The following RXFP2 variants were observed in gnomAD, a reference collection of about 807,000 sequenced individuals.
RXFP2 encodes relaxin receptor 2.
RXFP2 carries 68 observed loss-of-function variants against 88.6 expected under a neutral mutation model. The ratio of observed to expected loss-of-function variants is 0.77; its 90% confidence interval spans 0.63 to 0.94. The LOEUF (loss-of-function observed/expected upper bound fraction) is 0.94. Among genes scored for constraint, RXFP2 ranks in the 40% least tolerant of loss-of-function variants. RXFP2 has a pLI of 0.00. For missense variants in RXFP2, 791 were observed against 893.9 expected (o/e 0.88, Z 1.47); for synonymous variants, 329 against 306.8 (o/e 1.07, Z -0.76).
chr13:31,782,740 G>C lies in RXFP2; in HGVS notation c.922G>C (p.Gly308Arg). The change falls in exon 11 of 18, where the codon GGA (glycine) becomes CGA (arginine). Residue 308 changes from glycine (G) to arginine (R), a missense_variant. By Grantham distance (125) the Gly-to-Arg change is moderately radical. Transcript: ENST00000298386. ...GACATTTTCTTCATTAAAAAATTTAGGAGAACTGTAAGTAGCATCGTCTAC... is the reference window on the plus strand; with the variant it reads ...GACATTTTCTTCATTAAAAAATTTACGAGAACTGTAAGTAGCATCGTCTAC... Reference protein sequence around the residue: ...EKTFSSLKNLGELDLSSNTIT... With the variant: ...EKTFSSLKNLRELDLSSNTIT... 1 of 1,585,414 alleles carries C rather than the reference G, an allele frequency of 6.3e-7. No homozygotes were observed. Among genetic ancestry groups the C allele is most frequent in the Non-Finnish European group, 8.7e-7 (1 of 1,154,034 alleles).
chr13:31,802,024 A>G, intron 17 of RXFP2, 122 bp from the exon 18 acceptor site: 1 of 947,916 alleles, frequency 1.1e-6, no homozygotes, highest in African/African-American at 1.6e-5. Flanking sequence ...CCTTCAGGTG[A>G]GAGAAAACTT....
At chr13:31,770,801 A>T in intron 5 of RXFP2, among the ~76,000 whole-genome samples, 1 of 152,132 alleles carries the variant, frequency 6.6e-6, no homozygotes, top group East Asian at 1.9e-4. Flanking sequence ...TACCCTCCTC[A>T]TGGGCTGGAC....
At chr13:31,783,428 T>G (rs1873379491) in intron 11 of RXFP2, among the ~76,000 whole-genome samples, 1 of 152,230 alleles carries the variant, frequency 6.6e-6, no homozygotes, top group Non-Finnish European at 1.5e-5. Flanking sequence ...TCTTTCTGAT[T>G]GAGGCCTTAA....
Position 31,784,870 on chromosome 13 carries a change from C to A in RXFP2, c.930-1513C>A, listed in dbSNP as rs188977834. Among the ~76,000 whole-genome samples, 6 of 152,284 alleles carry A rather than the reference C, an allele frequency of 3.9e-5. No individual in the cohort carries two copies. In the East Asian group the frequency reaches 1.2e-3, roughly 29 times the overall value. On this transcript the variant is annotated intron_variant, in intron 11 of 17. Coordinates refer to ENST00000298386, the MANE Select transcript of RXFP2 (RefSeq NM_130806.5). ...AGACCCTGAGCCCTGCTGCTGTCCC[C>A]CTTAACCCTCATTTGCTCTCACCTG...
At chr13:31,801,101 G>A (rs1394841272) in intron 17 of RXFP2, among the ~76,000 whole-genome samples, 2 of 151,938 alleles carry the variant, frequency 1.3e-5, no homozygotes, top group African/African-American at 4.8e-5. Context: ...AAATAAGGCA[G>A]GGTCAAGAGA....
intron 13 of RXFP2, among the ~76,000 whole-genome samples, chr13:31,788,293 T>C (rs1271401802): frequency 1.3e-5 from 2 of 152,186 alleles, no homozygotes; most frequent in Admixed American, 6.5e-5. Context: ...CTCAGAACCA[T>C]GTTGAGAAAT....
At chr13:31,777,608 T>A (rs1035519848) in intron 8 of RXFP2, among the ~76,000 whole-genome samples, 161 bp downstream of exon 8, 1 of 152,206 alleles carries the variant, frequency 6.6e-6, no homozygotes, top group African/African-American at 2.4e-5. Context: ...ATATAATACT[T>A]CCTGGCCATG....
chr13:31,802,092 T>G, intron 17 of RXFP2, 54 bp from the exon 18 acceptor site: 2 of 1,562,708 alleles, frequency 1.3e-6, no homozygotes, highest in African/African-American at 2.7e-5. Flanking sequence ...TTATTTGTAT[T>G]TTATGTCTAT....
chr13:31,752,118 G>A (rs1871697848), intron 1 of RXFP2, among the ~76,000 whole-genome samples: 1 of 152,170 alleles, frequency 6.6e-6, no homozygotes. Context: ...TCCATCCCTG[G>A]TAAGGATGAG....
intron 16 of RXFP2, among the ~76,000 whole-genome samples, chr13:31,794,150 T>C (rs1312822567): frequency 6.6e-6 from 1 of 152,160 alleles, no homozygotes; most frequent in Non-Finnish European, 1.5e-5. Context: ...TTCTTCTCCA[T>C]TACTCCTTCT....
intron 3 of RXFP2, among the ~76,000 whole-genome samples, chr13:31,763,475 C>T (rs1872398073): frequency 6.6e-6 from 1 of 152,130 alleles, no homozygotes; most frequent in Non-Finnish European, 1.5e-5. Context: ...GAACATCCTA[C>T]AATGCAAAGG....
chr13:31,742,261 A>G (rs917916414), intron 1 of RXFP2, among the ~76,000 whole-genome samples: 1 of 152,148 alleles, frequency 6.6e-6, no homozygotes, highest in Non-Finnish European at 1.5e-5. Flanking sequence ...ACCGGGCCCG[A>G]ACAGTATTTT....
rs572309951 is a variant in RXFP2, at chr13:31,774,561, A to G, written c.498-59A>G. ...GTAAAGAAAGTGGAGAATATGTTCA[A>G]CAACCTAATATAGTCCATAAACCAT... On this transcript the variant is annotated intron_variant, in intron 5 of 17. Transcript: ENST00000298386. 1.7e-5 allele frequency: 15 copies of G among 872,406 alleles called. No homozygotes were observed. The African/African-American group carries it at 2.3e-4, about 13-fold the overall frequency. The allele number at this position is 872,406 out of a possible 1,614,324, so 54.0% of individuals were successfully genotyped here.
intron 17 of RXFP2, among the ~76,000 whole-genome samples, chr13:31,801,908 T>C (rs893019253): frequency 2.0e-5 from 3 of 152,266 alleles, no homozygotes; most frequent in Admixed American, 6.5e-5. Context: ...TTCACATATT[T>C]CCTGTTAATA....
intron 5 of RXFP2, among the ~76,000 whole-genome samples, chr13:31,772,527 A>T (rs1373031119): frequency 6.6e-6 from 1 of 152,216 alleles, no homozygotes; most frequent in Non-Finnish European, 1.5e-5. Flanking sequence ...TCTGAATAAA[A>T]AGAGGGCGCC....
rs1482716399 is a variant in RXFP2 at position 31,797,294 on chromosome 13, G to A, written c.1880G>A (p.Arg627Lys). The change falls in exon 17 of 18, where the codon AGG becomes AAG. Residue 627 changes from arginine to lysine, a missense_variant. Arg to Lys is a conservative substitution (Grantham distance 26). Transcript: ENST00000298386. The stretch of plus-strand genomic sequence containing the variant: ...ACCGCCTTGCAGACCACAGAAGTAA[G>A]GAATTGTTTTGGAAGAGAGGTGGCT... The part of the protein sequence containing the change: ...QKTALQTTEV[R>K]NCFGREVAVA... The A allele has an allele frequency of 1.9e-6, 3 of 1,614,040 alleles. No individual in the cohort carries two copies. The highest frequency in any genetic ancestry group is 2.5e-6 in the Non-Finnish European group (3 of 1,179,938).
At chr13:31,763,396 T>C (rs1438833986) in intron 3 of RXFP2, among the ~76,000 whole-genome samples, 1 of 152,062 alleles carries the variant, frequency 6.6e-6, no homozygotes, top group Non-Finnish European at 1.5e-5. Context: ...TGGAGACACT[T>C]TTGGTCATCC....
chr13:31,759,110 C>A (rs911113149), intron 2 of RXFP2, among the ~76,000 whole-genome samples: 20 of 151,088 alleles, frequency 1.3e-4, no homozygotes, highest in African/African-American at 4.9e-4. Context: ...ATAGAACAGA[C>A]CTATACTGAG....
chr13:31,771,911 C>G (rs899591377), intron 5 of RXFP2, among the ~76,000 whole-genome samples: 4 of 151,842 alleles, frequency 2.6e-5, no homozygotes, highest in Admixed American at 1.3e-4. Context: ...CTGGAATGCT[C>G]TAAATATTCA....
Sources: allele counts gnomAD v4.1 joint callset (sites outside exome capture counted in the v4.1 genomes callset), GRCh38; gene constraint gnomAD v4.1.1; transcripts MANE v1.5; gene names NCBI Gene and HGNC (gene_info 2026-07-23, HGNC 2026-07-21).